Variants in ATF2 observed in about 807,000 individuals in gnomAD.
ATF2 encodes cyclic AMP-dependent transcription factor ATF-2.
Under a neutral mutation model 60.6 loss-of-function variants are expected in ATF2, and 24 were observed. That is an observed-to-expected ratio of 0.40 (90% CI 0.29 to 0.56). The LOEUF is 0.56. Ranked by LOEUF, ATF2 falls within the 20% of genes least tolerant of loss-of-function variation. The probability of loss-of-function intolerance (pLI) is 0.54; values close to 1 mark genes in which losing one functional copy is unlikely to be tolerated. For missense variants in ATF2, 433 were observed against 607.7 expected (o/e 0.71, Z 3.02); for synonymous variants, 206 against 215.4 (o/e 0.96, Z 0.38).
rs113339973 is a variant in ATF2, at chr2:175,082,165, T to C, written c.1186-1400A>G. 5.9e-3 allele frequency among the ~76,000 whole-genome samples: 897 copies of C among 152,280 alleles called. 14 individuals carry two copies. The highest frequency in any genetic ancestry group is 0.02 in the African/African-American group (832 of 41,564). On this transcript the variant is annotated intron_variant, in intron 12 of 13. Coordinates refer to ENST00000264110, the MANE Select transcript of ATF2 (RefSeq NM_001880.4). ...GTTAAGCAATCTAAAGGCAAGTCTA[T>C]TGGGTCAAACAGTTCCTCACACCCC...
intron 1 of ATF2, among the ~76,000 whole-genome samples, chr2:175,155,349 C>G (rs1018536332): frequency 6.6e-6 from 1 of 152,296 alleles, no homozygotes; most frequent in East Asian, 1.9e-4. Context: ...CTCCATTAAT[C>G]AAGACACCAT....
chr2:175,081,386 C>A lies in ATF2; in HGVS notation c.1186-621G>T, dbSNP rs990682477. On this transcript the variant is annotated intron_variant, in intron 12 of 13. Transcript: ENST00000264110. ...ACATCTAAATTTAAATCTGCTAAGT[C>A]AATGGAGATTTGTCCTAATCTTCAG... is the stretch of plus-strand genomic sequence containing the variant. 4.1e-4 allele frequency among the ~76,000 whole-genome samples: 62 copies of A among 152,246 alleles called. No homozygotes were observed. In the Middle Eastern group the frequency reaches 0.01, roughly 25 times the overall value.
rs113554703 is a variant in ATF2 at position 175,129,098 on chromosome 2, A to G, written c.102+1040T>C. Among the ~76,000 whole-genome samples the G allele has an allele frequency of 6.6e-3, 998 of 152,308 alleles. 6 individuals are homozygous for G. The highest frequency in any genetic ancestry group is 8.8e-3 in the Non-Finnish European group (599 of 67,996). The stretch of plus-strand genomic sequence containing the variant: ...AACTAAAAAATAGAAGTAAACCAAT[A>G]TCCATCAGATGAACAGATAAATTGT... On this transcript the variant is annotated intron_variant, in intron 4 of 13. Coordinates refer to ENST00000264110, the MANE Select transcript of ATF2 (RefSeq NM_001880.4).
chr2:175,147,635 G>A (rs1188489921), intron 2 of ATF2, among the ~76,000 whole-genome samples: 1 of 152,042 alleles, frequency 6.6e-6, no homozygotes, highest in Non-Finnish European at 1.5e-5. Context: ...TACCTATTTT[G>A]TATCTAATAC....
intron 10 of ATF2, among the ~76,000 whole-genome samples, chr2:175,110,459 T>C (rs1038323258): frequency 1.3e-5 from 2 of 152,188 alleles, no homozygotes; most frequent in African/African-American, 4.8e-5. Flanking sequence ...ACTAATCTAT[T>C]GATTTCCTAA....
At chr2:175,106,121 A>G (rs1027342774) in intron 10 of ATF2, among the ~76,000 whole-genome samples, 1 of 152,348 alleles carries the variant, frequency 6.6e-6, no homozygotes, top group South Asian at 2.1e-4. Context: ...AAGTAAGTCA[A>G]TGGGAGTATA....
At chr2:175,116,997 G>C (rs546241671) in intron 7 of ATF2, among the ~76,000 whole-genome samples, 3 of 151,614 alleles carry the variant, frequency 2.0e-5, no homozygotes, top group South Asian at 4.2e-4. Flanking sequence ...CAATACTGAG[G>C]GTCTAAAGCA....
chr2:175,164,463 G>A (rs1437254374), intron 1 of ATF2, among the ~76,000 whole-genome samples: 2 of 152,180 alleles, frequency 1.3e-5, no homozygotes, highest in East Asian at 3.8e-4. Flanking sequence ...GAATCCGGGA[G>A]GTGGAGATTG....
chr2:175,129,881 T>C (rs373438594), intron 4 of ATF2, among the ~76,000 whole-genome samples: 1 of 152,058 alleles, frequency 6.6e-6, no homozygotes, highest in Non-Finnish European at 1.5e-5. Flanking sequence ...TCTTGGACTT[T>C]TGTGTAGGAT....
chr2:175,130,039 G>T, intron 4 of ATF2, 99 bp downstream of exon 4: 1 of 945,434 alleles, frequency 1.1e-6, no homozygotes, highest in South Asian at 2.3e-5. Context: ...AAATTTTACA[G>T]AATACTGTAA....
At chr2:175,095,207 T>A (rs1316852120) in intron 11 of ATF2, among the ~76,000 whole-genome samples, 2 of 151,962 alleles carry the variant, frequency 1.3e-5, no homozygotes, top group African/African-American at 2.4e-5. Context: ...CAAGTGATTC[T>A]CCTACTCAGC....
intron 12 of ATF2, among the ~76,000 whole-genome samples, chr2:175,082,443 T>C (rs1693828529): frequency 6.6e-6 from 1 of 152,206 alleles, no homozygotes; most frequent in Non-Finnish European, 1.5e-5. Context: ...ATGACACTAT[T>C]GATGAAACCA....
chr2:175,113,479 T>A (rs1359809575), intron 9 of ATF2, among the ~76,000 whole-genome samples: 4 of 152,166 alleles, frequency 2.6e-5, no homozygotes, highest in African/African-American at 7.2e-5. Flanking sequence ...TTTCAAAATT[T>A]ATATATTTAA....
intron 10 of ATF2, among the ~76,000 whole-genome samples, chr2:175,109,072 A>G (rs971277008): frequency 6.7e-6 from 1 of 148,866 alleles, no homozygotes; most frequent in Non-Finnish European, 1.5e-5. Context: ...AAAACCAGAG[A>G]CCTTTGTTCA....
At chr2:175,114,406 T>C in intron 8 of ATF2, 3 of 1,248,692 alleles carry the variant, frequency 2.4e-6, no homozygotes, top group Non-Finnish European at 3.0e-6. Flanking sequence ...CTGAAAGAAA[T>C]GGAATCTGGT....
In ATF2 at chr2:175,098,176, A is replaced by G. The variant is rs376871333; in HGVS notation, c.829-583T>C. Among the ~76,000 whole-genome samples, 10 of 152,342 alleles carry G rather than the reference A, an allele frequency of 6.6e-5. No homozygotes were observed. The South Asian group carries it at 1.7e-3, about 25-fold the overall frequency. On this transcript the variant is annotated intron_variant, in intron 10 of 13. Coordinates refer to ENST00000264110, the MANE Select transcript of ATF2 (RefSeq NM_001880.4). ...TTTTGGGTATTCCTTTTAGCAACTG[A>G]TATAATGATTTGCTACATAGGTACA...
chr2:175,106,542 A>C (rs566701272), intron 10 of ATF2, among the ~76,000 whole-genome samples: 4 of 150,522 alleles, frequency 2.7e-5, no homozygotes, highest in East Asian at 2.0e-4. Context: ...ACAACAAAAA[A>C]AAAAGAATTA....
At chr2:175,074,939 A>G (rs1384498716) in intron 13 of ATF2, 104 bp from the exon 14 acceptor site, 9 of 1,538,354 alleles carry the variant, frequency 5.9e-6, no homozygotes, top group African/African-American at 1.4e-5. Context: ...TATCTTACAA[A>G]ACTGATTAGA....
chr2:175,105,742 A>G (rs1695609711), intron 10 of ATF2, among the ~76,000 whole-genome samples: 1 of 152,214 alleles, frequency 6.6e-6, no homozygotes, highest in African/African-American at 2.4e-5. Context: ...AATAGCTATG[A>G]TCTATTAGAA....
Sources: gnomAD v4.1 joint callset for allele counts (sites outside exome capture counted in the v4.1 genomes callset) on GRCh38, gnomAD v4.1.1 for gene constraint, MANE v1.5 for transcripts, NCBI Gene and HGNC (gene_info 2026-07-23, HGNC 2026-07-21) for gene names.